Variants in HNRNPDL observed in about 807,000 individuals in gnomAD.
The protein encoded by HNRNPDL is heterogeneous nuclear ribonucleoprotein D-like.
In HNRNPDL, 18 loss-of-function variants were observed where a neutral mutation model predicts 48.0. The observed-to-expected ratio is 0.38, with a 90% CI of 0.26 to 0.56. HNRNPDL has a LOEUF of 0.56. Ranked by LOEUF, HNRNPDL falls within the 20% of genes least tolerant of loss-of-function variation. The pLI is 0.77. For missense variants in HNRNPDL, 553 were observed against 540.7 expected, an observed-to-expected ratio of 1.02 and a Z score of -0.23; for synonymous variants, 306 against 207.3, an observed-to-expected ratio of 1.48 and a Z score of -4.09.
chr4:82,425,983 G>C, intron 7 of HNRNPDL, 54 bp downstream of exon 7: 1 of 1,144,936 alleles, frequency 8.7e-7, no homozygotes, highest in Non-Finnish European at 1.3e-6. Context: ...TTTGTCTATT[G>C]ATCTTTAAAT....
chr4:82,427,632 G>C lies in HNRNPDL; in HGVS notation c.775-68C>G. 3 of 1,419,254 alleles carry C rather than the reference G, an allele frequency of 2.1e-6. No homozygotes were observed. In the South Asian group the frequency reaches 3.7e-5, roughly 18 times the overall value. 87.9% of individuals were successfully genotyped at this position (1,419,254 alleles called of 1,614,324 possible). Reference sequence around the variant, plus strand: ...AACGTTACAGTGTCAGAATGCCAAAGGCCTTTTCAGGCTTCAACTTAAACA... The same window carrying C: ...AACGTTACAGTGTCAGAATGCCAAACGCCTTTTCAGGCTTCAACTTAAACA... On this transcript the variant is annotated intron_variant, in intron 3 of 7. Transcript: ENST00000295470.
In HNRNPDL at chr4:82,422,590, A is replaced by C. The variant is rs1721225079; in HGVS notation, c.*2316T>G. 6.6e-6 allele frequency: 1 copy of C among 152,208 alleles called. No individual in the cohort carries two copies. The highest frequency in any genetic ancestry group is 6.5e-5 in the Admixed American group (1 of 15,284). The allele number at this position is 152,208 out of a possible 1,614,324, so 9.4% of individuals were successfully genotyped here. ...AGCATCCCAACAGACATCTCATTTTAATAGTCCTCATCTTATAAAAGTGAG... is the reference window on the plus strand; with the variant it reads ...AGCATCCCAACAGACATCTCATTTTCATAGTCCTCATCTTATAAAAGTGAG... On this transcript the variant is annotated 3_prime_UTR_variant, in exon 8 of 8. Transcript: ENST00000295470.
chr4:82,428,395 T>C lies in HNRNPDL; in HGVS notation c.495A>G (p.Thr165=). ...CTTCCCCAAATCGAGACAAGTACTCTGTCAGATCTTTTTTGCTTGTATCCC... is the reference window on the plus strand; with the variant it reads ...CTTCCCCAAATCGAGACAAGTACTCCGTCAGATCTTTTTTGCTTGTATCCC... ...LSWDTSKKDL[T]EYLSRFGEVV... is the part of the protein sequence containing the mutation. The change falls in exon 2 of 8, where the codon ACA becomes ACG. Residue 165 remains threonine, a synonymous_variant. Transcript: ENST00000295470. 1 of 1,613,084 alleles carries C rather than the reference T, an allele frequency of 6.2e-7. No homozygotes were observed.
At position 82,429,743 on chromosome 4, in the gene HNRNPDL, G is replaced by A. The variant is rs988020234; in HGVS notation, c.-53C>T. ...CACGCGTGAGGGGACGCGGGCTTGG[G>A]AGAAGAGAAGAATCAGAAGAGAAAA... On this transcript the variant is annotated 5_prime_UTR_variant, in exon 1 of 8. Transcript: ENST00000295470. 87 of 1,272,664 alleles carry A rather than the reference G, an allele frequency of 6.8e-5. 1 individual carries two copies. The Admixed American group carries it at 3.1e-3, about 46-fold the overall frequency. 78.8% of individuals were successfully genotyped at this position (1,272,664 alleles called of 1,614,324 possible).
rs938039429 is a variant in HNRNPDL at position 82,429,625 on chromosome 4, T to C, written c.66A>G (p.Leu22=). 2.9e-6 allele frequency: 4 copies of C among 1,357,390 alleles called. No homozygotes were observed. Among genetic ancestry groups the C allele is most frequent in the Non-Finnish European group, 3.8e-6 (4 of 1,056,040 alleles). The allele number at this position is 1,357,390 out of a possible 1,614,324, so 84.1% of individuals were successfully genotyped here. Reference sequence around the variant, plus strand: ...GCCAATGGGAGAGGCTGCGGGAGGCTAAAGTAGCGGGAGCGGAGGGGAACA... The same window carrying C: ...GCCAATGGGAGAGGCTGCGGGAGGCCAAAGTAGCGGGAGCGGAGGGGAACA... The part of the protein sequence containing the change: ...PPLFPSAPAT[L]ASRSLSHWRP... The change falls in exon 1 of 8, where the codon TTA becomes TTG. Residue 22 remains leucine, a synonymous_variant. Transcript: ENST00000295470.
In HNRNPDL at chr4:82,429,511, G is replaced by A. The variant is rs935119489; in HGVS notation, c.180C>T (p.His60=). ...ATCGGGAGGGCTGCTGGGCGGTGAC[G>A]TGGCGCTGGGCCCGGCGCGCCCCCT... ...ARQGARRAQR[H]VTAQQPSRLA... Residue 60 remains histidine, a synonymous_variant, in exon 1 of 8, where the codon CAC becomes CAT. Transcript: ENST00000295470. The A allele has an allele frequency of 2.0e-6, 3 of 1,524,338 alleles. No homozygotes were observed. The highest frequency in any genetic ancestry group is 5.1e-5 in the East Asian group (2 of 39,602). The allele number at this position is 1,524,338 out of a possible 1,614,324, so 94.4% of individuals were successfully genotyped here. A position where few individuals can be genotyped will look rare whatever the true frequency, so the allele number is the denominator to read the frequency against.
intron 7 of HNRNPDL, chr4:82,425,229 T>C (rs1182198299): frequency 1.3e-5 from 2 of 152,242 alleles, no homozygotes; most frequent in Admixed American, 6.5e-5. Flanking sequence ...AGAACATAAA[T>C]TGATCTGTGC....
Position 82,427,956 on chromosome 4 carries a change from G to C in HNRNPDL, c.774+62C>G, listed in dbSNP as rs1042818378. The C allele has an allele frequency of 5.3e-6, 8 of 1,495,930 alleles. No individual in the cohort carries two copies. The African/African-American group carries it at 1.1e-4, about 21-fold the overall frequency. 92.7% of individuals were successfully genotyped at this position (1,495,930 alleles called of 1,614,324 possible). On this transcript the variant is annotated intron_variant, in intron 3 of 7. Transcript: ENST00000295470. ...AACATGAATCTGCCCTGCATAAATCGGACAAGGATTGAACATTTTATAAAC... is the reference window on the plus strand; with the variant it reads ...AACATGAATCTGCCCTGCATAAATCCGACAAGGATTGAACATTTTATAAAC...
In HNRNPDL at chr4:82,426,517, T is replaced by A. The variant is rs756546059; in HGVS notation, c.1138A>T (p.Thr380Ser). Residue 380 changes from threonine (T) to serine (S), a missense_variant, in exon 6 of 8, where the codon ACT becomes TCT. Thr to Ser is a moderately conservative substitution (Grantham distance 58). This residue lies in a region of HNRNPDL where 174 missense variants were observed against 204.6 expected (regional missense o/e 0.85). Transcript: ENST00000295470. ...NYSGYGGYDYTGYNYGNYGYG... is the reference protein window; with the variant it reads ...NYSGYGGYDYSGYNYGNYGYG... ...CCATAGTTCCCATAGTTATACCCAG[T>A]ATAATCATATCCGCCATAGCCACTA... 3 of 1,612,834 alleles carry A rather than the reference T, an allele frequency of 1.9e-6. No individual in the cohort carries two copies. Among genetic ancestry groups the A allele is most frequent in the Non-Finnish European group, 2.5e-6 (3 of 1,179,068 alleles).
chr4:82,429,386 G>A lies in HNRNPDL; in HGVS notation c.305C>T (p.Ala102Val), dbSNP rs2110031216. 3 of 1,613,606 alleles carry A rather than the reference G, an allele frequency of 1.9e-6. No homozygotes were observed. Among genetic ancestry groups the A allele is most frequent in the Non-Finnish European group, 2.5e-6 (3 of 1,179,852 alleles). The change falls in exon 1 of 8, where the codon GCT becomes GTT. Residue 102 changes from alanine to valine, a missense_variant. By Grantham distance (64) the Ala-to-Val change is moderately conservative. Coordinates refer to ENST00000295470, the MANE Select transcript of HNRNPDL (RefSeq NM_031372.4). ...SSSIQRSAAA[A>V]AATRTARQHP... The stretch of plus-strand genomic sequence containing the variant: ...CTGGCGCGCAGTCCGGGTCGCGGCA[G>A]CAGCGGCGGCGGAGCGTTGTATGGA...
At chr4:82,426,655 G>A (rs1342974178) in intron 5 of HNRNPDL, 22 bp from the exon 6 acceptor site, 3 of 1,607,032 alleles carry the variant, frequency 1.9e-6, no homozygotes, top group Non-Finnish European at 2.6e-6. Flanking sequence ...CACAATGATT[G>A]TTAGGAAACA....
At chr4:82,426,221 C>T in intron 6 of HNRNPDL, 92 bp from the exon 7 acceptor site, 1 of 1,196,596 alleles carries the variant, frequency 8.4e-7, no homozygotes, top group Admixed American at 1.7e-5. Flanking sequence ...TCTTTGCATG[C>T]TAAATAAAAA....
chr4:82,429,504 C>A lies in HNRNPDL; in HGVS notation c.187G>T (p.Ala63Ser). ...CCCGCCAATCGGGAGGGCTGCTGGGCGGTGACGTGGCGCTGGGCCCGGCGC... is the reference window on the plus strand; with the variant it reads ...CCCGCCAATCGGGAGGGCTGCTGGGAGGTGACGTGGCGCTGGGCCCGGCGC... Reference protein sequence around the residue: ...GARRAQRHVTAQQPSRLAGGA... With the variant: ...GARRAQRHVTSQQPSRLAGGA... Residue 63 changes from alanine (A) to serine (S), a missense_variant, in exon 1 of 8, where the codon GCC becomes TCC. Coordinates refer to ENST00000295470, the MANE Select transcript of HNRNPDL (RefSeq NM_031372.4). 3 of 1,538,310 alleles carry A rather than the reference C, an allele frequency of 2.0e-6. No individual in the cohort carries two copies. Among genetic ancestry groups the A allele is most frequent in the Non-Finnish European group, 1.8e-6 (2 of 1,142,608 alleles).
chr4:82,428,371 T>G lies in HNRNPDL; in HGVS notation c.519A>C (p.Glu173Asp). ...CTGTTTTAATTGTGCAGTCTACAAC[T>G]TCCCCAAATCGAGACAAGTACTCTG... The part of the protein sequence containing the change: ...DLTEYLSRFG[E>D]VVDCTIKTDP... The change falls in exon 2 of 8, where the codon GAA (glutamate) becomes GAC (aspartate). Residue 173 changes from glutamate to aspartate, a missense_variant. By Grantham distance (45) the Glu-to-Asp change is conservative. Around this residue, in one of 4 missense-constraint regions of HNRNPDL, gnomAD observed 43 missense variants for 104.0 expected, o/e 0.41. Transcript: ENST00000295470. The G allele has an allele frequency of 6.2e-7, 1 of 1,613,778 alleles. No homozygotes were observed. The highest frequency in any genetic ancestry group is 8.5e-7 in the Non-Finnish European group (1 of 1,179,692).
chr4:82,429,671 A>T lies in HNRNPDL; in HGVS notation c.20T>A (p.Leu7His). 1 of 1,360,318 alleles carries T rather than the reference A, an allele frequency of 7.4e-7. No homozygotes were observed. Among genetic ancestry groups the T allele is most frequent in the South Asian group, 1.8e-5 (1 of 54,132 alleles). 84.3% of individuals were successfully genotyped at this position (1,360,318 alleles called of 1,614,324 possible). A position where few individuals can be genotyped will look rare whatever the true frequency, so the allele number is the denominator to read the frequency against. ...GAACAATGGCGGCGGCACATGGGAAAGCCTGGGCGGGACCTCCATCGCGGC... is the reference window on the plus strand; with the variant it reads ...GAACAATGGCGGCGGCACATGGGAATGCCTGGGCGGGACCTCCATCGCGGC... MEVPPRLSHVPPPLFPS... is the reference protein window; with the variant it reads MEVPPRHSHVPPPLFPS... The change falls in exon 1 of 8, where the codon CTT (leucine) becomes CAT (histidine). Residue 7 changes from leucine to histidine, a missense_variant. By Grantham distance (99) the Leu-to-His change is moderately conservative. Transcript: ENST00000295470.
At position 82,422,962 on chromosome 4, in the gene HNRNPDL, AG is replaced by A. The variant is rs1288332146; in HGVS notation, c.*1943del. ...GGAACGAGATCTTGATAGTAGCTTC[AG>A]TTCATCCAACCTAGGACACTTAGCC... On this transcript the variant is annotated 3_prime_UTR_variant, in exon 8 of 8. Coordinates refer to ENST00000295470, the MANE Select transcript of HNRNPDL (RefSeq NM_031372.4). 1 of 152,176 alleles carries A rather than the reference AG, an allele frequency of 6.6e-6. No individual in the cohort carries two copies. The highest frequency in any genetic ancestry group is 1.5e-5 in the Non-Finnish European group (1 of 68,032). 9.4% of individuals were successfully genotyped at this position (152,176 alleles called of 1,614,324 possible). A position where few individuals can be genotyped will look rare whatever the true frequency, so the allele number is the denominator to read the frequency against.
chr4:82,429,356 G>C lies in HNRNPDL; in HGVS notation c.335C>G (p.Pro112Arg). The change falls in exon 1 of 8, where the codon CCC becomes CGC. Residue 112 changes from proline to arginine, a missense_variant. Pro to Arg is a moderately radical substitution (Grantham distance 103). Coordinates refer to ENST00000295470, the MANE Select transcript of HNRNPDL (RefSeq NM_031372.4). ...AAATRTARQH[P>R]PADSSVTMED... is the part of the protein sequence containing the mutation. ...CATAGTGACGGAGCTGTCGGCAGGGGGGTGCTGGCGCGCAGTCCGGGTCGC... is the reference window on the plus strand; with the variant it reads ...CATAGTGACGGAGCTGTCGGCAGGGCGGTGCTGGCGCGCAGTCCGGGTCGC... 2 of 1,613,668 alleles carry C rather than the reference G, an allele frequency of 1.2e-6. No individual in the cohort carries two copies. The highest frequency in any genetic ancestry group is 8.5e-7 in the Non-Finnish European group (1 of 1,179,880).
chr4:82,429,692 G>T lies in HNRNPDL; in HGVS notation c.-2C>A. On this transcript the variant is annotated 5_prime_UTR_variant, in exon 1 of 8. Coordinates refer to ENST00000295470, the MANE Select transcript of HNRNPDL (RefSeq NM_031372.4). Reference sequence around the variant, plus strand: ...GGAAAGCCTGGGCGGGACCTCCATCGCGGCCCTCCCGGCAAGGAGAGAGGC... The same window carrying T: ...GGAAAGCCTGGGCGGGACCTCCATCTCGGCCCTCCCGGCAAGGAGAGAGGC... The T allele has an allele frequency of 3.7e-6, 5 of 1,351,506 alleles. No individual in the cohort carries two copies. The highest frequency in any genetic ancestry group is 3.8e-5 in the South Asian group (2 of 52,044). The allele number at this position is 1,351,506 out of a possible 1,614,324, so 83.7% of individuals were successfully genotyped here. A position where few individuals can be genotyped will look rare whatever the true frequency, so the allele number is the denominator to read the frequency against.
chr4:82,428,392 C>T lies in HNRNPDL; in HGVS notation c.498G>A (p.Glu166=), dbSNP rs998275704. 2 of 1,613,376 alleles carry T rather than the reference C, an allele frequency of 1.2e-6. No individual in the cohort carries two copies. The highest frequency in any genetic ancestry group is 1.1e-5 in the South Asian group (1 of 91,062). The change falls in exon 2 of 8, where the codon GAG becomes GAA. Residue 166 remains glutamate, a synonymous_variant. Transcript: ENST00000295470. ...SWDTSKKDLT[E]YLSRFGEVVD... ...CAACTTCCCCAAATCGAGACAAGTA[C>T]TCTGTCAGATCTTTTTTGCTTGTAT...
Sources: allele counts gnomAD v4.1 joint callset, GRCh38; gene constraint gnomAD v4.1.1; regional missense constraint gnomAD v4.1.1; transcripts MANE v1.5; gene names NCBI Gene and HGNC (gene_info 2026-07-23, HGNC 2026-07-21).